Variants in IMMP2L observed in about 807,000 individuals in gnomAD.
IMMP2L encodes inner mitochondrial membrane peptidase subunit 2, also known as mitochondrial inner membrane protease subunit 2.
Under a neutral mutation model 19.3 loss-of-function variants are expected in IMMP2L, and 18 were observed. That is an observed-to-expected ratio of 0.93 (90% CI 0.64 to 1.38). The LOEUF (loss-of-function observed/expected upper bound fraction) is 1.38. Ranked by LOEUF, IMMP2L falls within the 40% of genes most tolerant of loss-of-function variation. The probability of loss-of-function intolerance (pLI) is 0.00; values close to 1 mark genes in which losing one functional copy is unlikely to be tolerated. For synonymous variants in IMMP2L, 76 were observed against 73.0 expected, an observed-to-expected ratio of 1.04 and a Z score of -0.21; for missense variants, 233 against 218.2, an observed-to-expected ratio of 1.07 and a Z score of -0.43.
chr7:111,085,456 T>G (rs529534330), intron 3 of IMMP2L, among the ~76,000 whole-genome samples: 1 of 152,324 alleles, frequency 6.6e-6, no homozygotes, highest in African/African-American at 2.4e-5. Context: ...TTTTTGTGGG[T>G]TTGCGTCCCA....
chr7:111,445,630 G>A (rs116584976), intron 3 of IMMP2L, among the ~76,000 whole-genome samples: 2,463 of 152,244 alleles, frequency 0.016, 66 homozygotes, highest in African/African-American at 0.056. Context: ...CAGATTACAT[G>A]ATCCCTTTTA....
intron 5 of IMMP2L, among the ~76,000 whole-genome samples, chr7:110,804,487 T>C (rs757601649): frequency 1.4e-4 from 22 of 152,004 alleles, no homozygotes; most frequent in Non-Finnish European, 2.5e-4. Flanking sequence ...CAGGGTGTTC[T>C]GGAACTCTGG....
chr7:111,220,551 T>A (rs2129620420), intron 3 of IMMP2L, among the ~76,000 whole-genome samples: 1 of 152,020 alleles, frequency 6.6e-6, no homozygotes, highest in South Asian at 2.1e-4. Context: ...GTTTTCTGTA[T>A]TACTCAGGCT....
At chr7:111,311,636 C>G (rs899131213) in intron 3 of IMMP2L, among the ~76,000 whole-genome samples, 5 of 152,092 alleles carry the variant, frequency 3.3e-5, no homozygotes, top group Admixed American at 6.6e-5. Context: ...AGGGCTGTGG[C>G]TCTGTGAACT....
intron 2 of IMMP2L, among the ~76,000 whole-genome samples, chr7:111,518,166 ACT>A (rs1846029982): frequency 6.6e-6 from 1 of 152,074 alleles, no homozygotes; most frequent in South Asian, 2.1e-4. Context: ...AAAAAGAACC[ACT>A]GAGTAGTGTT....
intron 2 of IMMP2L, among the ~76,000 whole-genome samples, chr7:111,519,106 C>G (rs897537878): frequency 6.6e-6 from 1 of 152,132 alleles, no homozygotes; most frequent in African/African-American, 2.4e-5. Flanking sequence ...CACAGTCCTT[C>G]CCCAAGATAT....
chr7:110,725,040 A>C (rs370881480), intron 5 of IMMP2L, among the ~76,000 whole-genome samples: 11 of 152,212 alleles, frequency 7.2e-5, no homozygotes, highest in Admixed American at 7.2e-4. Context: ...GGATAGACAG[A>C]TAAAATGAAG....
At chr7:111,306,144 A>C (rs934088298) in intron 3 of IMMP2L, among the ~76,000 whole-genome samples, 3 of 152,286 alleles carry the variant, frequency 2.0e-5, no homozygotes, top group Non-Finnish European at 4.4e-5. Context: ...TCCAAAGTAC[A>C]TATATACAAT....
At chr7:110,874,286 T>C (rs1460280718) in intron 5 of IMMP2L, among the ~76,000 whole-genome samples, 1 of 152,116 alleles carries the variant, frequency 6.6e-6, no homozygotes, top group Non-Finnish European at 1.5e-5. Flanking sequence ...AGGATGGGAA[T>C]AATATATCAA....
intron 5 of IMMP2L, among the ~76,000 whole-genome samples, chr7:110,835,707 T>C (rs923600710): frequency 1.3e-5 from 2 of 152,054 alleles, no homozygotes; most frequent in African/African-American, 2.4e-5. Flanking sequence ...TTGGTAGAAA[T>C]GAGAGCTATG....
intron 5 of IMMP2L, among the ~76,000 whole-genome samples, chr7:110,691,754 A>G (rs1793522355): frequency 6.6e-6 from 1 of 152,196 alleles, no homozygotes; most frequent in Non-Finnish European, 1.5e-5. Context: ...AACCACAATG[A>G]GATATCACCT....
intron 3 of IMMP2L, among the ~76,000 whole-genome samples, chr7:111,468,789 C>G (rs898060610): frequency 6.6e-6 from 1 of 151,852 alleles, no homozygotes; most frequent in East Asian, 1.9e-4. Context: ...CAGGTAGACC[C>G]AAAAAGACTC....
chr7:111,311,837 A>T (rs753233326), intron 3 of IMMP2L, among the ~76,000 whole-genome samples: 1 of 152,128 alleles, frequency 6.6e-6, no homozygotes, highest in African/African-American at 2.4e-5. Flanking sequence ...TCCACCCATT[A>T]TCGCAATTGT....
At chr7:110,817,264 T>G (rs1014902816) in intron 5 of IMMP2L, among the ~76,000 whole-genome samples, 1 of 152,052 alleles carries the variant, frequency 6.6e-6, no homozygotes, top group African/African-American at 2.4e-5. Context: ...TTCAGCAAAG[T>G]CTCAGGATAC....
chr7:110,894,561 AT>A (rs1332182090), intron 4 of IMMP2L, among the ~76,000 whole-genome samples: 5 of 152,180 alleles, frequency 3.3e-5, no homozygotes, highest in African/African-American at 1.2e-4. Context: ...AAATTTAGTG[AT>A]TTGTCTTATT....
intron 4 of IMMP2L, among the ~76,000 whole-genome samples, chr7:110,915,920 G>T (rs897863749): frequency 6.6e-6 from 1 of 152,142 alleles, no homozygotes; most frequent in African/African-American, 2.4e-5. Flanking sequence ...CATCCTATCA[G>T]ATAATCTGAC....
chr7:111,298,432 G>GT (rs1324566117), intron 3 of IMMP2L, among the ~76,000 whole-genome samples: 2 of 152,098 alleles, frequency 1.3e-5, no homozygotes, highest in Non-Finnish European at 2.9e-5. Context: ...AAAATGCTAT[G>GT]TAAGTATTTG....
intron 3 of IMMP2L, among the ~76,000 whole-genome samples, chr7:111,240,107 G>A (rs371602347): frequency 4.6e-5 from 7 of 151,814 alleles, no homozygotes. Context: ...AGTTTTAGTA[G>A]CAGCTCTTAA....
chr7:111,116,303 GC>G (rs1390005978), intron 3 of IMMP2L, among the ~76,000 whole-genome samples: 1 of 151,974 alleles, frequency 6.6e-6, no homozygotes, highest in Admixed American at 6.6e-5. Flanking sequence ...AAATAAAATT[GC>G]CCCTCCTTTT....
Sources: allele counts gnomAD v4.1 joint callset (sites outside exome capture counted in the v4.1 genomes callset), GRCh38; gene constraint gnomAD v4.1.1; transcripts MANE v1.5; gene names NCBI Gene and HGNC (gene_info 2026-07-23, HGNC 2026-07-21).